Variants in NRG1 observed in about 807,000 individuals in gnomAD.
NRG1 encodes the protein pro-neuregulin-1, membrane-bound isoform.
Under a neutral mutation model 63.8 loss-of-function variants are expected in NRG1, and 18 were observed. That is an observed-to-expected ratio of 0.28 (90% CI 0.19 to 0.42). The LOEUF (loss-of-function observed/expected upper bound fraction) is 0.42. Ranked by LOEUF, NRG1 falls within the 10% of genes least tolerant of loss-of-function variation. The pLI, the probability that NRG1 is intolerant of heterozygous loss-of-function variation, is 1.00. For missense variants in NRG1, 762 were observed against 814.7 expected (o/e 0.94, Z 0.79); for synonymous variants, 302 against 301.3 (o/e 1.00, Z -0.02).
At chr8:32,696,753 C>A (rs575172901) in intron 5 of NRG1, among the ~76,000 whole-genome samples, 1 of 150,962 alleles carries the variant, frequency 6.6e-6, no homozygotes, top group East Asian at 2.0e-4. Context: ...CCTCCGCCTC[C>A]CAGGCTCAAG....
intron 1 of NRG1, among the ~76,000 whole-genome samples, chr8:32,372,177 T>C (rs1262611875): frequency 6.6e-6 from 1 of 151,862 alleles, no homozygotes; most frequent in African/African-American, 2.4e-5. Context: ...TTTGTAGAGA[T>C]GGGGTCTTGC....
At chr8:31,888,457 C>T (rs537535508) in intron 1 of NRG1, among the ~76,000 whole-genome samples, 1 of 152,036 alleles carries the variant, frequency 6.6e-6, no homozygotes, top group Non-Finnish European at 1.5e-5. Context: ...AAAAGAAAGT[C>T]AAGCCAGCAA....
chr8:31,796,066 C>CA (rs1418984318), intron 1 of NRG1, among the ~76,000 whole-genome samples: 22 of 151,694 alleles, frequency 1.5e-4, no homozygotes, highest in Non-Finnish European at 2.4e-4. Flanking sequence ...GTAATCTTTG[C>CA]AAAAAAAATT....
At chr8:31,876,682 T>C (rs1829951276) in intron 1 of NRG1, among the ~76,000 whole-genome samples, 1 of 152,120 alleles carries the variant, frequency 6.6e-6, no homozygotes, top group South Asian at 2.1e-4. Context: ...GGAGGCTGAA[T>C]TAATGATAAA....
chr8:32,593,444 A>C (rs191614934), intron 1 of NRG1, among the ~76,000 whole-genome samples: 2 of 152,158 alleles, frequency 1.3e-5, no homozygotes, highest in Admixed American at 6.5e-5. Context: ...GTTTGAGCCC[A>C]GGATGTGGAG....
chr8:31,999,966 G>A (rs1384281116), intron 1 of NRG1, among the ~76,000 whole-genome samples: 1 of 151,852 alleles, frequency 6.6e-6, no homozygotes, highest in Non-Finnish European at 1.5e-5. Flanking sequence ...TAAAACTGGA[G>A]ATTTGAAGGG....
intron 5 of NRG1, among the ~76,000 whole-genome samples, chr8:32,680,662 G>A (rs1410987120): frequency 1.3e-5 from 2 of 152,008 alleles, no homozygotes; most frequent in African/African-American, 4.8e-5. Flanking sequence ...AATCTTTCTT[G>A]ATATCCTTAC....
chr8:31,693,747 A>G (rs1475015369), intron 1 of NRG1, among the ~76,000 whole-genome samples: 1 of 152,214 alleles, frequency 6.6e-6, no homozygotes, highest in African/African-American at 2.4e-5. Context: ...TATTTATGAC[A>G]TAATCAATGG....
intron 1 of NRG1, among the ~76,000 whole-genome samples, chr8:31,911,932 T>C (rs552527602): frequency 2.0e-5 from 3 of 152,322 alleles, no homozygotes; most frequent in South Asian, 4.1e-4. Context: ...GAACTAAGAA[T>C]CAGAGACTTG....
intron 1 of NRG1, among the ~76,000 whole-genome samples, chr8:31,936,758 C>T (rs10216376): frequency 0.026 from 3,909 of 152,238 alleles, 170 homozygotes; most frequent in African/African-American, 0.089. Context: ...CAACAAGATA[C>T]TCTATTATCC....
intron 1 of NRG1, among the ~76,000 whole-genome samples, chr8:32,245,830 T>C (rs1487239550): frequency 6.6e-6 from 1 of 152,156 alleles, no homozygotes; most frequent in Middle Eastern, 3.2e-3. Flanking sequence ...CACTTGAGGC[T>C]AGGAAGCTAT....
chr8:32,479,665 T>G (rs534218230), intron 1 of NRG1, among the ~76,000 whole-genome samples: 4 of 152,108 alleles, frequency 2.6e-5, no homozygotes, highest in Non-Finnish European at 5.9e-5. Flanking sequence ...TTTGTTTGTT[T>G]TTTGAGACAG....
At chr8:32,425,664 A>C (rs1484996302) in intron 1 of NRG1, among the ~76,000 whole-genome samples, 2 of 152,186 alleles carry the variant, frequency 1.3e-5, no homozygotes, top group Non-Finnish European at 2.9e-5. Context: ...ACATATGTAC[A>C]TCTAACCCTT....
intron 1 of NRG1, among the ~76,000 whole-genome samples, chr8:31,878,736 G>A (rs1323655532): frequency 1.3e-5 from 2 of 152,132 alleles, no homozygotes; most frequent in Non-Finnish European, 2.9e-5. Context: ...TAGGAATCGA[G>A]GTCCTTGAGG....
intron 1 of NRG1, among the ~76,000 whole-genome samples, chr8:31,881,080 G>C (rs1345873880): frequency 1.3e-5 from 2 of 152,066 alleles, no homozygotes; most frequent in Non-Finnish European, 2.9e-5. Context: ...ACATTTTTAA[G>C]TTTCCGTTCC....
At chr8:31,951,386 G>C (rs1343730430) in intron 1 of NRG1, among the ~76,000 whole-genome samples, 1 of 152,158 alleles carries the variant, frequency 6.6e-6, no homozygotes, top group Non-Finnish European at 1.5e-5. Context: ...CCAGCCCCGT[G>C]AGTTGGAACA....
chr8:32,092,461 C>CAAAAAAAAAAAAAA (rs71208167), intron 1 of NRG1, among the ~76,000 whole-genome samples: 1 of 83,710 alleles, frequency 1.2e-5, no homozygotes, highest in Non-Finnish European at 2.2e-5. Context: ...GACCCTGTCT[C>CAAAAAAAAAAAAAA]AAAAAAAAAA....
At chr8:32,146,727 C>CT (rs201580664) in intron 1 of NRG1, among the ~76,000 whole-genome samples, 14 of 151,304 alleles carry the variant, frequency 9.3e-5, no homozygotes, top group Non-Finnish European at 1.8e-4. Flanking sequence ...ATAATATTTT[C>CT]TTTTTTTTTA....
chr8:32,431,875 T>C (rs1374407180), intron 1 of NRG1, among the ~76,000 whole-genome samples: 3 of 152,106 alleles, frequency 2.0e-5, no homozygotes, highest in Non-Finnish European at 4.4e-5. Flanking sequence ...GTGAACACTA[T>C]CAGTAGGGAT....
Sources: allele counts gnomAD v4.1 joint callset (sites outside exome capture counted in the v4.1 genomes callset), GRCh38; gene constraint gnomAD v4.1.1; transcripts MANE v1.5; gene names NCBI Gene and HGNC (gene_info 2026-07-23, HGNC 2026-07-21).